Variants in SOX5 observed in about 807,000 individuals in gnomAD.
The protein encoded by SOX5 is transcription factor SOX-5.
SOX5 carries 9 observed loss-of-function variants against 92.0 expected under a neutral mutation model. That is an observed-to-expected ratio of 0.10 (90% CI 0.06 to 0.17). The LOEUF is 0.17. Ranked by LOEUF, SOX5 falls within the 10% of genes least tolerant of loss-of-function variation. The pLI is 1.00. For synonymous variants in SOX5, 344 were observed against 336.3 expected, an observed-to-expected ratio of 1.02 and a Z score of -0.25; for missense variants, 642 against 944.5, an observed-to-expected ratio of 0.68 and a Z score of 4.20.
intron 1 of SOX5, among the ~76,000 whole-genome samples, chr12:23,927,040 G>T (rs565045042): frequency 6.6e-6 from 1 of 152,122 alleles, no homozygotes; most frequent in East Asian, 1.9e-4. Flanking sequence ...TTAAAAATTA[G>T]AACAACCACT....
intron 5 of SOX5, among the ~76,000 whole-genome samples, chr12:23,735,705 C>CT (rs1399311310): frequency 5.9e-5 from 9 of 152,182 alleles, no homozygotes; most frequent in African/African-American, 2.2e-4. Flanking sequence ...AAGTCCCAAA[C>CT]TAAATTTGAG....
chr12:24,094,921 T>C (rs1945136005), intron 4 of SOX5, among the ~76,000 whole-genome samples: 1 of 152,126 alleles, frequency 6.6e-6, no homozygotes, highest in Non-Finnish European at 1.5e-5. Context: ...ATGCCCAAAT[T>C]TGTCCTCCTC....
At chr12:23,597,511 T>C (rs1042931150) in intron 9 of SOX5, among the ~76,000 whole-genome samples, 1 of 152,178 alleles carries the variant, frequency 6.6e-6, no homozygotes, top group Non-Finnish European at 1.5e-5. Flanking sequence ...AGGGGTTCTG[T>C]TGATAACATT....
At chr12:23,801,318 C>T (rs1221522557) in intron 3 of SOX5, among the ~76,000 whole-genome samples, 1 of 152,122 alleles carries the variant, frequency 6.6e-6, no homozygotes, top group South Asian at 2.1e-4. Flanking sequence ...AGAACATGAA[C>T]AAGGAATAAG....
At chr12:23,955,233 C>G (rs894370183), upstream of SOX5, among the ~76,000 whole-genome samples, 7 of 151,958 alleles carry the variant, frequency 4.6e-5, no homozygotes, top group Non-Finnish European at 8.8e-5. Context: ...TCTATGGTAA[C>G]CAAATGCCCA....
At chr12:24,342,644 T>C (rs540280877) in intron 2 of SOX5, among the ~76,000 whole-genome samples, 32 of 152,322 alleles carry the variant, frequency 2.1e-4, no homozygotes, top group African/African-American at 6.3e-4. Flanking sequence ...CCTCCTGCCA[T>C]TGCCTTAGTT....
At chr12:23,539,801 A>G (rs1941525876) in intron 13 of SOX5, among the ~76,000 whole-genome samples, 1 of 152,182 alleles carries the variant, frequency 6.6e-6, no homozygotes, top group Non-Finnish European at 1.5e-5. Flanking sequence ...TGGCCATATA[A>G]TAATTCCAAG....
intron 4 of SOX5, among the ~76,000 whole-genome samples, chr12:24,190,430 A>G (rs1956409389): frequency 6.6e-6 from 1 of 152,212 alleles, no homozygotes. Flanking sequence ...TTAAAAACCT[A>G]TACGGAGGTC....
rs151212704 is a variant in SOX5, at chr12:23,736,927, G to A, written c.742-2175C>T. Among the ~76,000 whole-genome samples the A allele has an allele frequency of 1.1e-3, 167 of 151,620 alleles. No homozygotes were observed. In the East Asian group the frequency reaches 0.021, roughly 19 times the overall value. On this transcript the variant is annotated intron_variant, in intron 5 of 14. Coordinates refer to ENST00000451604, the MANE Select transcript of SOX5 (RefSeq NM_006940.6). Reference sequence around the variant, plus strand: ...AGGCTGGTCTTGAACTCCTGACCTCGGGTGATCCACTTGCCTCAGCCTCCT... The same window carrying A: ...AGGCTGGTCTTGAACTCCTGACCTCAGGTGATCCACTTGCCTCAGCCTCCT...
chr12:23,972,739 G>T (rs1948483066), intron 4 of SOX5, among the ~76,000 whole-genome samples: 2 of 151,928 alleles, frequency 1.3e-5, no homozygotes, highest in African/African-American at 2.4e-5. Context: ...GTGATGTTTT[G>T]CTCTATGTGT....
chr12:24,058,161 T>G (rs1367495072), intron 4 of SOX5, among the ~76,000 whole-genome samples: 1 of 152,260 alleles, frequency 6.6e-6, no homozygotes, highest in Non-Finnish European at 1.5e-5. Flanking sequence ...ACCTACCTCT[T>G]AATTTTGCCA....
chr12:24,449,413 C>T (rs1427711254), intron 1 of SOX5, among the ~76,000 whole-genome samples: 8 of 152,170 alleles, frequency 5.3e-5, no homozygotes, highest in Admixed American at 5.2e-4. Context: ...ATATGTTCTC[C>T]CCATGATCTT....
At chr12:23,744,317 AAAT>A (rs1302769692) in intron 4 of SOX5, among the ~76,000 whole-genome samples, 12 of 152,170 alleles carry the variant, frequency 7.9e-5, no homozygotes, top group African/African-American at 1.9e-4. Context: ...ACATTCAATG[AAAT>A]AATAAGGTAC....
chr12:23,641,014 T>A, intron 7 of SOX5, 117 bp from the exon 8 acceptor site: 1 of 654,918 alleles, frequency 1.5e-6, no homozygotes, highest in Non-Finnish European at 2.6e-6. Flanking sequence ...TGAGGCCTAA[T>A]GAAAAGCTCT....
chr12:24,471,842 C>A (rs1182120935), intron 1 of SOX5, among the ~76,000 whole-genome samples: 2 of 151,244 alleles, frequency 1.3e-5, no homozygotes, highest in Non-Finnish European at 2.9e-5. Context: ...TAATCAGCAA[C>A]AGCCTTAGTC....
intron 8 of SOX5, among the ~76,000 whole-genome samples, chr12:23,637,028 G>T (rs1004629974): frequency 1.3e-5 from 2 of 152,128 alleles, no homozygotes; most frequent in Non-Finnish European, 2.9e-5. Context: ...CCATAACCAT[G>T]GGTGATATTA....
intron 3 of SOX5, among the ~76,000 whole-genome samples, chr12:24,216,151 C>T (rs570881761): frequency 6.6e-6 from 1 of 152,266 alleles, no homozygotes; most frequent in Admixed American, 6.5e-5. Flanking sequence ...AGGGTTGTTG[C>T]CACAGATAGC....
chr12:23,994,695 G>A lies in SOX5; in HGVS notation c.-1-98671C>T, dbSNP rs544810507. On this transcript the variant is annotated intron_variant, in intron 4 of 4. Coordinates refer to the SOX5 transcript ENST00000446891. ...GGTGTGTGGGCAGGAGGAGAGAGGA[G>A]AGCTCTAAATTAAGAAAATAATAAA... Among the ~76,000 whole-genome samples, 11 of 152,142 alleles carry A rather than the reference G, an allele frequency of 7.2e-5. No homozygotes were observed. In the East Asian group the frequency reaches 1.7e-3, roughly 24 times the overall value.
chr12:23,976,899 AC>A (rs1474447598), intron 4 of SOX5, among the ~76,000 whole-genome samples: 1 of 152,118 alleles, frequency 6.6e-6, no homozygotes, highest in African/African-American at 2.4e-5. Context: ...AATAGAATAA[AC>A]TGTGAAAAGC....
Sources: allele counts gnomAD v4.1 joint callset (sites outside exome capture counted in the v4.1 genomes callset), GRCh38; gene constraint gnomAD v4.1.1; transcripts MANE v1.5; gene names NCBI Gene and HGNC (gene_info 2026-07-23, HGNC 2026-07-21).